Variants in STIM1 observed in about 807,000 individuals in gnomAD.
STIM1 encodes stromal interaction molecule 1.
A neutral mutation model predicts 74.7 loss-of-function variants in STIM1; 25 were observed. The observed-to-expected ratio is 0.33, with a 90% CI of 0.24 to 0.47. The LOEUF (loss-of-function observed/expected upper bound fraction) is 0.47, where lower values mean the gene tolerates loss of function less well. Ranked by LOEUF, STIM1 falls within the 20% of genes least tolerant of loss-of-function variation. STIM1 has a pLI of 1.00. For synonymous variants in STIM1, 328 were observed against 348.8 expected (o/e 0.94, Z 0.66); for missense variants, 728 against 920.8 (o/e 0.79, Z 2.71).
intron 5 of STIM1, among the ~76,000 whole-genome samples, chr11:4,069,489 C>T (rs2094390086): frequency 6.6e-6 from 1 of 152,184 alleles, no homozygotes; most frequent in Admixed American, 6.5e-5. Flanking sequence ...TAGATTGAGA[C>T]TTCTGGACCT....
At chr11:4,073,431 C>T (rs2133179708) in intron 6 of STIM1, among the ~76,000 whole-genome samples, 1 of 152,330 alleles carries the variant, frequency 6.6e-6, no homozygotes, top group Non-Finnish European at 1.5e-5. Context: ...CTATATCTAT[C>T]TCTTTCTATT....
At chr11:3,860,667 C>G (rs2090560181) in intron 1 of STIM1, among the ~76,000 whole-genome samples, 1 of 152,144 alleles carries the variant, frequency 6.6e-6, no homozygotes, top group Non-Finnish European at 1.5e-5. Flanking sequence ...GTTAGTTCAT[C>G]CCACCTATTT....
At chr11:4,085,112 T>A (rs1486061949) in intron 11 of STIM1, among the ~76,000 whole-genome samples, 1 of 152,026 alleles carries the variant, frequency 6.6e-6, no homozygotes, top group East Asian at 1.9e-4. Context: ...TCCCTTTTCT[T>A]CCCAGTTTCC....
At position 3,856,500 on chromosome 11, in the gene STIM1, A is replaced by C. The variant is rs1191198689; in HGVS notation, c.139+91A>C. On this transcript the variant is annotated intron_variant, in intron 1 of 12. Transcript: ENST00000526596. Reference sequence around the variant, plus strand: ...GGCAAGTTGAAATCTAGGTTTGTACATGTGAGGTTCATGGAGGATTCACAC... The same window carrying C: ...GGCAAGTTGAAATCTAGGTTTGTACCTGTGAGGTTCATGGAGGATTCACAC... 19 of 1,489,116 alleles carry C rather than the reference A, an allele frequency of 1.3e-5. No individual in the cohort carries two copies. The Admixed American group carries it at 1.4e-4, about 11-fold the overall frequency. The allele number at this position is 1,489,116 out of a possible 1,614,324, so 92.2% of individuals were successfully genotyped here. A position where few individuals can be genotyped will look rare whatever the true frequency, so the allele number is the denominator to read the frequency against.
At chr11:4,069,876 A>C (rs2133160388) in intron 5 of STIM1, 150 bp from the exon 6 acceptor site, 2 of 854,392 alleles carry the variant, frequency 2.3e-6, no homozygotes, top group Middle Eastern at 3.3e-4. Flanking sequence ...AGTGTATGGC[A>C]AGTGTGTATC....
chr11:4,034,160 C>T (rs1049100303), intron 3 of STIM1, among the ~76,000 whole-genome samples: 17 of 151,858 alleles, frequency 1.1e-4, no homozygotes, highest in Middle Eastern at 3.4e-3. Flanking sequence ...ACCCAGGAGG[C>T]GGAGGTTGCA....
chr11:3,874,731 C>T (rs192820261), intron 1 of STIM1, among the ~76,000 whole-genome samples: 1 of 152,350 alleles, frequency 6.6e-6, no homozygotes, highest in Admixed American at 6.5e-5. Flanking sequence ...ATCTACCTCC[C>T]TCATCTGACT....
intron 1 of STIM1, among the ~76,000 whole-genome samples, chr11:3,958,126 G>A (rs1260967199): frequency 6.6e-6 from 1 of 152,216 alleles, no homozygotes; most frequent in Non-Finnish European, 1.5e-5. Flanking sequence ...GGCCTCCCAA[G>A]ATGCTGGAAT....
intron 7 of STIM1, among the ~76,000 whole-genome samples, chr11:4,077,697 G>A (rs1488726566): frequency 2.0e-5 from 3 of 151,868 alleles, no homozygotes; most frequent in East Asian, 3.9e-4. Flanking sequence ...TGTCTCTTAT[G>A]CTCAGTTCTG....
intron 7 of STIM1, among the ~76,000 whole-genome samples, chr11:4,076,286 G>C (rs558158034): frequency 4.2e-4 from 64 of 151,784 alleles, no homozygotes; most frequent in African/African-American, 1.3e-3. Context: ...AGAAGTTCGA[G>C]ACCAGCCTGG....
chr11:3,989,029 T>A lies in STIM1; in HGVS notation c.270+21347T>A, dbSNP rs576148428. On this transcript the variant is annotated intron_variant, in intron 2 of 12. Transcript: ENST00000526596. Reference sequence around the variant, plus strand: ...CTTAAAAGATGGGATGAGGTGGGATTCCCTCCTTCTTAAAAATGTTTCTAG... The same window carrying A: ...CTTAAAAGATGGGATGAGGTGGGATACCCTCCTTCTTAAAAATGTTTCTAG... 4 of 927,226 alleles carry A rather than the reference T, an allele frequency of 4.3e-6. No homozygotes were observed. The African/African-American group carries it at 6.6e-5, about 15-fold the overall frequency. The allele number at this position is 927,226 out of a possible 1,614,324, so 57.4% of individuals were successfully genotyped here. A position where few individuals can be genotyped will look rare whatever the true frequency, so the allele number is the denominator to read the frequency against.
chr11:4,035,266 G>GTTTTTTTT (rs55788240), intron 3 of STIM1, among the ~76,000 whole-genome samples: 1 of 136,610 alleles, frequency 7.3e-6, no homozygotes. Context: ...GGTGTATTGT[G>GTTTTTTTT]TTTTTTTTTT....
At position 3,899,209 on chromosome 11, in the gene STIM1, T is replaced by A. The variant is rs1186325704; in HGVS notation, c.139+42800T>A. Among the ~76,000 whole-genome samples, 9 of 152,232 alleles carry A rather than the reference T, an allele frequency of 5.9e-5. No individual in the cohort carries two copies. The East Asian group carries it at 1.7e-3, about 29-fold the overall frequency. On this transcript the variant is annotated intron_variant, in intron 1 of 12. Transcript: ENST00000526596. Reference sequence around the variant, plus strand: ...TATTTCACTGAGCAGTGGTTTGTAGTTCTCCTTGAAGAGGTCCTTCACATC... The same window carrying A: ...TATTTCACTGAGCAGTGGTTTGTAGATCTCCTTGAAGAGGTCCTTCACATC...
intron 3 of STIM1, among the ~76,000 whole-genome samples, chr11:4,037,875 A>G (rs568892111): frequency 7.2e-5 from 11 of 152,134 alleles, no homozygotes; most frequent in African/African-American, 2.4e-4. Context: ...CGTTTGTCCC[A>G]TCTGTTCTTT....
At chr11:3,984,173 C>A (rs1251598210) in intron 2 of STIM1, among the ~76,000 whole-genome samples, 1 of 152,116 alleles carries the variant, frequency 6.6e-6, no homozygotes, top group African/African-American at 2.4e-5. Context: ...GCCTCTTTCT[C>A]CTTTCTTAAA....
intron 1 of STIM1, among the ~76,000 whole-genome samples, chr11:3,960,868 A>AT (rs138545316): frequency 0.023 from 3,515 of 152,178 alleles, 120 homozygotes; most frequent in African/African-American, 0.076. Context: ...CCTTCTCGAG[A>AT]TTTTTTCAGA....
chr11:4,088,976 A>G (rs2094508410), intron 12 of STIM1: 1 of 475,002 alleles, frequency 2.1e-6, no homozygotes, highest in Non-Finnish European at 3.9e-6. Context: ...TCACACCTGT[A>G]ATCCTAGCAC....
chr11:3,855,587 C>A (rs1285388110), upstream of STIM1: 1 of 113,818 alleles, frequency 8.8e-6, no homozygotes. Flanking sequence ...TCGCTGGGGA[C>A]CGGGCGGCGC....
At chr11:4,087,491 G>A (rs1234182945) in intron 12 of STIM1, among the ~76,000 whole-genome samples, 2 of 152,092 alleles carry the variant, frequency 1.3e-5, no homozygotes, top group African/African-American at 4.8e-5. Context: ...ATATATTTGT[G>A]GTTAGAACAC....
Sources: allele counts gnomAD v4.1 joint callset (sites outside exome capture counted in the v4.1 genomes callset), GRCh38; gene constraint gnomAD v4.1.1; transcripts MANE v1.5; gene names NCBI Gene and HGNC (gene_info 2026-07-23, HGNC 2026-07-21).